The following TSBP1 variants were observed in gnomAD, a reference collection of about 807,000 sequenced individuals.
TSBP1 encodes testis-expressed basic protein 1.
In TSBP1, 56 loss-of-function variants were observed where a neutral mutation model predicts 68.8. That is an observed-to-expected ratio of 0.81 (90% CI 0.66 to 1.02). The LOEUF is 1.02. Among genes scored for constraint, TSBP1 ranks in the 50% least tolerant of loss-of-function variants. The pLI, the probability that TSBP1 is intolerant of heterozygous loss-of-function variation, is 0.00. For synonymous variants in TSBP1, 171 were observed against 208.7 expected (o/e 0.82, Z 1.56); for missense variants, 502 against 641.2 (o/e 0.78, Z 2.34).
At chr6:32,301,921 G>A (rs1478666175) in intron 20 of TSBP1, among the ~76,000 whole-genome samples, 1 of 149,652 alleles carries the variant, frequency 6.7e-6, no homozygotes, top group Non-Finnish European at 1.5e-5. Context: ...TGCATGTCCT[G>A]TGAGGTAAGA....
At position 32,361,834 on chromosome 6, in the gene TSBP1, T is replaced by C. The variant is rs1188349478; in HGVS notation, c.217+4333A>G. Among the ~76,000 whole-genome samples the C allele has an allele frequency of 6.6e-6, 1 of 152,150 alleles. No individual in the cohort carries two copies. Among genetic ancestry groups the C allele is most frequent in the African/African-American group, 2.4e-5 (1 of 41,442 alleles). Reference sequence around the variant, plus strand: ...ATTTTGGATATTACTGTGGTTTTAATGTCCTCTCCGAAACTCATGTTGAAA... The same window carrying C: ...ATTTTGGATATTACTGTGGTTTTAACGTCCTCTCCGAAACTCATGTTGAAA... On this transcript the variant is annotated intron_variant, in intron 6 of 22. Coordinates refer to ENST00000612031, the Ensembl canonical transcript of TSBP1. The surrounding 1 kb of genome is among the most constrained non-coding windows in gnomAD (Gnocchi z 4.3).
chr6:32,330,672 A>G, intron 15 of TSBP1, 63 bp from the exon 17 acceptor site: 2 of 1,467,086 alleles, frequency 1.4e-6, no homozygotes, highest in Non-Finnish European at 1.8e-6. Context: ...ACACACACAC[A>G]CACTTCTATT....
rs1769626517 is a variant in TSBP1, at chr6:32,336,017, C to G, written c.431-85G>C. ...AAATTTCCATTTCCCAACACTCGCT[C>G]TAGGGAGTATCATAAATAGAAACAA... On this transcript the variant is annotated intron_variant, in intron 12 of 22. Coordinates refer to ENST00000612031, the Ensembl canonical transcript of TSBP1. This position sits in a 1 kb window ranked among gnomAD's most constrained non-coding sequence, Gnocchi z 5.2. The G allele has an allele frequency of 2.7e-6, 3 of 1,106,378 alleles. No homozygotes were observed. The highest frequency in any genetic ancestry group is 1.7e-5 in the Admixed American group (1 of 57,296). The allele number at this position is 1,106,378 out of a possible 1,614,324, so 68.5% of individuals were successfully genotyped here. A position where few individuals can be genotyped will look rare whatever the true frequency, so the allele number is the denominator to read the frequency against.
rs994283908 is a variant in TSBP1, at chr6:32,361,432, C to G, written c.217+4735G>C. ...GCTGGGTCAAATGGTATTTCTAGTT[C>G]TAGATCCTTGAGGAATCACCACACT... On this transcript the variant is annotated intron_variant, in intron 6 of 22. Coordinates refer to ENST00000612031, the Ensembl canonical transcript of TSBP1. This position sits in a 1 kb window ranked among gnomAD's most constrained non-coding sequence, Gnocchi z 4.3. 1.3e-5 allele frequency among the ~76,000 whole-genome samples: 2 copies of G among 152,134 alleles called. No individual in the cohort carries two copies. The highest frequency in any genetic ancestry group is 4.8e-5 in the African/African-American group (2 of 41,434).
chr6:32,339,639 C>A lies in TSBP1; in HGVS notation c.350-1G>T. The A allele has an allele frequency of 8.4e-7, 1 of 1,192,432 alleles. No individual in the cohort carries two copies. The highest frequency in any genetic ancestry group is 1.2e-6 in the Non-Finnish European group (1 of 813,698). 73.9% of individuals were successfully genotyped at this position (1,192,432 alleles called of 1,614,324 possible). A position where few individuals can be genotyped will look rare whatever the true frequency, so the allele number is the denominator to read the frequency against. ...GTTGTTTGTAAACATTTTATACTAC[C>A]TATAATAAAAATTGAAAAGTGTAAC... On this transcript the variant is annotated splice_acceptor_variant, in intron 9 of 22. Transcript: ENST00000612031. LOFTEE classifies it high-confidence loss of function.
At chr6:32,293,966 C>T in exon 23 of TSBP1, 1 of 1,612,498 alleles carries the variant, frequency 6.2e-7, no homozygotes, top group Non-Finnish European at 8.5e-7. Flanking sequence ...AGTGCCTCCA[C>T]ATTTTAGAAT....
Position 32,315,936 on chromosome 6 carries a change from T to A in TSBP1, c.560-144A>T. 2 of 547,306 alleles carry A rather than the reference T, an allele frequency of 3.7e-6. No homozygotes were observed. The allele number at this position is 547,306 out of a possible 1,614,324, so 33.9% of individuals were successfully genotyped here. A position where few individuals can be genotyped will look rare whatever the true frequency, so the allele number is the denominator to read the frequency against. Reference sequence around the variant, plus strand: ...CATTCCAAACCACCCTATAGATTAGTTTTAGATTAGTTTTACAATGCAAAA... The same window carrying A: ...CATTCCAAACCACCCTATAGATTAGATTTAGATTAGTTTTACAATGCAAAA... On this transcript the variant is annotated intron_variant, in intron 18 of 22. Coordinates refer to ENST00000612031, the Ensembl canonical transcript of TSBP1. The surrounding 1 kb of genome is among the most constrained non-coding windows in gnomAD (Gnocchi z 5.4).
At chr6:32,360,735 A>C (rs780609260) in intron 6 of TSBP1, among the ~76,000 whole-genome samples, 15 of 152,136 alleles carry the variant, frequency 9.9e-5, no homozygotes, top group Admixed American at 5.9e-4. Context: ...TTTTGAATGC[A>C]TCCTATCTGG....
At position 32,315,662 on chromosome 6, in the gene TSBP1, T is replaced by C. The variant is rs149238772; in HGVS notation, c.580+110A>G. On this transcript the variant is annotated intron_variant, in intron 19 of 22. Coordinates refer to ENST00000612031, the Ensembl canonical transcript of TSBP1. The surrounding 1 kb of genome is among the most constrained non-coding windows in gnomAD (Gnocchi z 5.4). ...CTAATCTGGAGGACTTTGGGTAATG[T>C]AGAAGCAAATGAATATGAGAAATAT... 4.7e-5 allele frequency: 32 copies of C among 686,148 alleles called. No individual in the cohort carries two copies. The highest frequency in any genetic ancestry group is 7.0e-5 in the Non-Finnish European group (30 of 428,008). The allele number at this position is 686,148 out of a possible 1,614,324, so 42.5% of individuals were successfully genotyped here. A position where few individuals can be genotyped will look rare whatever the true frequency, so the allele number is the denominator to read the frequency against.
chr6:32,371,182 T>G (rs1427368403), intron 1 of TSBP1, among the ~76,000 whole-genome samples: 6 of 152,118 alleles, frequency 3.9e-5, no homozygotes, highest in African/African-American at 1.4e-4. Flanking sequence ...TATGTGAATT[T>G]TTTTTTTCTA....
chr6:32,335,791 AG>A lies in TSBP1; in HGVS notation c.451+120del. The A allele has an allele frequency of 1.3e-6, 1 of 777,396 alleles. No individual in the cohort carries two copies. Among genetic ancestry groups the A allele is most frequent in the Non-Finnish European group, 2.2e-6 (1 of 462,568 alleles). The allele number at this position is 777,396 out of a possible 1,614,324, so 48.2% of individuals were successfully genotyped here. On this transcript the variant is annotated intron_variant, in intron 13 of 22. Coordinates refer to ENST00000612031, the Ensembl canonical transcript of TSBP1. The surrounding 1 kb of genome is among the most constrained non-coding windows in gnomAD (Gnocchi z 5.5). ...TGAAATGCTAGGTTGAAGAAAAATAAGGGTTGAAGAAAATGTGAACTCCAAA... is the reference window on the plus strand; with the variant it reads ...TGAAATGCTAGGTTGAAGAAAAATAAGGTTGAAGAAAATGTGAACTCCAAA...
intron 16 of TSBP1, among the ~76,000 whole-genome samples, chr6:32,329,189 A>G (rs1206977653): frequency 1.3e-5 from 2 of 152,194 alleles, no homozygotes; most frequent in African/African-American, 4.8e-5. Context: ...TTTCATTTAT[A>G]CACTATCATA....
chr6:32,300,086 A>G, intron 21 of TSBP1, 150 bp from the exon 25 acceptor site: 2 of 663,916 alleles, frequency 3.0e-6, no homozygotes, highest in South Asian at 1.7e-5. Context: ...TTGCTGGCCA[A>G]TGCTCCATAT....
chr6:32,339,135 CT>C, intron 10 of TSBP1, 136 bp from the exon 12 acceptor site: 2 of 747,684 alleles, frequency 2.7e-6, no homozygotes, highest in Admixed American at 2.1e-5. Flanking sequence ...AGGCATTTTC[CT>C]TTTTTCCTTA....
In TSBP1 at chr6:32,315,298, C is replaced by A. The variant is rs1766826832; in HGVS notation, c.580+474G>T. ...AATAATGGGGCTGGGCGTGGTGGTTCACACCTGTAAACCCAGCACTTTGGG... is the reference window on the plus strand; with the variant it reads ...AATAATGGGGCTGGGCGTGGTGGTTAACACCTGTAAACCCAGCACTTTGGG... On this transcript the variant is annotated intron_variant, in intron 19 of 22. Transcript: ENST00000612031. This position sits in a 1 kb window ranked among gnomAD's most constrained non-coding sequence, Gnocchi z 5.4. 6.6e-6 allele frequency among the ~76,000 whole-genome samples: 1 copy of A among 152,122 alleles called. No individual in the cohort carries two copies. The highest frequency in any genetic ancestry group is 1.5e-5 in the Non-Finnish European group (1 of 68,028).
rs1419453453 is a variant in TSBP1 at position 32,338,437 on chromosome 6, C to T, written c.409+542G>A. Among the ~76,000 whole-genome samples the T allele has an allele frequency of 6.6e-6, 1 of 152,182 alleles. No homozygotes were observed. The highest frequency in any genetic ancestry group is 1.5e-5 in the Non-Finnish European group (1 of 68,040). On this transcript the variant is annotated intron_variant, in intron 11 of 22. Transcript: ENST00000612031. This position sits in a 1 kb window ranked among gnomAD's most constrained non-coding sequence, Gnocchi z 5.5. ...TTTCCTTTTTAAATCAACTTCCTCT[C>T]ACTTATTCCTTATTCTCTATTCCCA...
chr6:32,355,015 A>G (rs1171796304), intron 8 of TSBP1, 109 bp downstream of exon 8: 34 of 840,704 alleles, frequency 4.0e-5, no homozygotes, highest in Non-Finnish European at 5.8e-5. Context: ...AGTGTTAATT[A>G]TTTTTATACT....
chr6:32,349,913 AG>A lies in TSBP1; in HGVS notation c.260-85del, dbSNP rs1771524602. On this transcript the variant is annotated intron_variant, in intron 8 of 22. Coordinates refer to ENST00000612031, the Ensembl canonical transcript of TSBP1. ...GTATCAATTGCAATGCAATGTGGTG[AG>A]CAGCTGGATATCTACATATGGATTC... 6 of 844,696 alleles carry A rather than the reference AG, an allele frequency of 7.1e-6. No individual in the cohort carries two copies. In the East Asian group the frequency reaches 1.4e-4, roughly 20 times the overall value. The allele number at this position is 844,696 out of a possible 1,614,324, so 52.3% of individuals were successfully genotyped here. A position where few individuals can be genotyped will look rare whatever the true frequency, so the allele number is the denominator to read the frequency against.
At chr6:32,371,853 G>T in exon 1 of TSBP1, 1 of 807,220 alleles carries the variant, frequency 1.2e-6, no homozygotes, top group Non-Finnish European at 2.1e-6. Context: ...GAGATGCAGA[G>T]GATCACTGAG....
Sources: allele counts gnomAD v4.1 joint callset (sites outside exome capture counted in the v4.1 genomes callset), GRCh38; gene constraint gnomAD v4.1.1; non-coding constraint Gnocchi (gnomAD v3.1); transcripts MANE v1.5; gene names NCBI Gene and HGNC (gene_info 2026-07-23, HGNC 2026-07-21).